Variants in ESRRG observed in about 807,000 individuals in gnomAD.
ESRRG encodes the protein estrogen related receptor gamma.
In ESRRG, 13 loss-of-function variants were observed where a neutral mutation model predicts 44.0. The observed-to-expected ratio is 0.30, with a 90% CI of 0.19 to 0.47. The LOEUF is 0.47. Ranked by LOEUF, ESRRG falls within the 20% of genes least tolerant of loss-of-function variation. ESRRG has a pLI of 1.00. For synonymous variants in ESRRG, 215 were observed against 214.6 expected, an observed-to-expected ratio of 1.00 and a Z score of -0.02; for missense variants, 395 against 580.6, an observed-to-expected ratio of 0.68 and a Z score of 3.29.
chr1:217,107,246 G>A (rs190744043), intron 1 of ESRRG, among the ~76,000 whole-genome samples: 152 of 152,148 alleles, frequency 1.0e-3, no homozygotes, highest in African/African-American at 3.3e-3. Context: ...CTGTTCCTTC[G>A]GACGCTTGGA....
At chr1:216,940,761 C>T (rs1020118416) in intron 1 of ESRRG, among the ~76,000 whole-genome samples, 1 of 152,108 alleles carries the variant, frequency 6.6e-6, no homozygotes, top group African/African-American at 2.4e-5. Flanking sequence ...AGCTTTCCCG[C>T]TTTCTTTCAA....
chr1:216,595,772 G>T (rs1198227339), intron 3 of ESRRG, among the ~76,000 whole-genome samples: 2 of 152,040 alleles, frequency 1.3e-5, no homozygotes, highest in Non-Finnish European at 2.9e-5. Flanking sequence ...AAGACCCTGG[G>T]ATCAACTGCC....
chr1:216,509,299 T>C (rs1354783922), intron 6 of ESRRG, among the ~76,000 whole-genome samples: 1 of 152,242 alleles, frequency 6.6e-6, no homozygotes, highest in Non-Finnish European at 1.5e-5. Flanking sequence ...ACATTCTTAA[T>C]GAAGACATTG....
chr1:216,554,311 G>A (rs867546204), intron 5 of ESRRG, among the ~76,000 whole-genome samples: 53 of 151,842 alleles, frequency 3.5e-4, no homozygotes, highest in African/African-American at 1.2e-3. Context: ...AAAATTAGCC[G>A]GACTTGGTGG....
chr1:216,836,552 C>A (rs1170314732), intron 2 of ESRRG, among the ~76,000 whole-genome samples: 1 of 152,088 alleles, frequency 6.6e-6, no homozygotes, highest in Non-Finnish European at 1.5e-5. Context: ...ATAGGATGAC[C>A]GGGGAAGCGC....
chr1:216,650,935 A>G (rs2068791149), intron 3 of ESRRG, 38 bp downstream of exon 3: 1 of 1,382,080 alleles, frequency 7.2e-7, no homozygotes, highest in African/African-American at 1.4e-5. Context: ...TCCCCACAGC[A>G]AAATCAAAAC....
chr1:216,692,370 A>C (rs1452651655), intron 1 of ESRRG, among the ~76,000 whole-genome samples: 1 of 151,676 alleles, frequency 6.6e-6, no homozygotes, highest in Non-Finnish European at 1.5e-5. Flanking sequence ...AAAAGAGTTT[A>C]ACAAGTAAAA....
chr1:216,656,543 A>T (rs568418165), intron 2 of ESRRG, among the ~76,000 whole-genome samples: 1 of 152,330 alleles, frequency 6.6e-6, no homozygotes, highest in Admixed American at 6.5e-5. Flanking sequence ...GGATAGAATA[A>T]CAGGGTGTAT....
intron 1 of ESRRG, among the ~76,000 whole-genome samples, chr1:217,120,647 T>C (rs1432528069): frequency 1.3e-5 from 2 of 152,176 alleles, no homozygotes; most frequent in Non-Finnish European, 2.9e-5. Flanking sequence ...ACTAGGTTTT[T>C]ATTCAACCCT....
At chr1:216,842,886 A>C (rs7513353) in intron 2 of ESRRG, among the ~76,000 whole-genome samples, 8,310 of 152,262 alleles carry the variant, frequency 0.055, 790 homozygotes, top group African/African-American at 0.19. Flanking sequence ...TAGGGATATT[A>C]TTCTTTTTTG....
chr1:216,542,228 C>A (rs900728584), intron 5 of ESRRG, among the ~76,000 whole-genome samples: 12 of 149,938 alleles, frequency 8.0e-5, no homozygotes, highest in African/African-American at 2.4e-4. Flanking sequence ...ATTTTTTTTT[C>A]CTCTTTTTTG....
At chr1:216,658,002 TG>T (rs1463625741) in intron 2 of ESRRG, among the ~76,000 whole-genome samples, 1 of 152,122 alleles carries the variant, frequency 6.6e-6, no homozygotes, top group African/African-American at 2.4e-5. Flanking sequence ...CAAATAGGAA[TG>T]GATGATGCTT....
intron 2 of ESRRG, among the ~76,000 whole-genome samples, chr1:216,784,012 C>T (rs1272728246): frequency 1.3e-5 from 2 of 152,016 alleles, no homozygotes; most frequent in African/African-American, 4.8e-5. Flanking sequence ...ATGCCTCTTG[C>T]TTTTCTTTCT....
chr1:216,868,983 G>A (rs991417810), intron 2 of ESRRG, among the ~76,000 whole-genome samples: 1 of 152,102 alleles, frequency 6.6e-6, no homozygotes, highest in African/African-American at 2.4e-5. Context: ...TGTCGGCTAT[G>A]TGCTTTGCAA....
chr1:216,924,620 T>C (rs1163323357), intron 2 of ESRRG, among the ~76,000 whole-genome samples: 2 of 152,230 alleles, frequency 1.3e-5, no homozygotes, highest in Admixed American at 6.5e-5. Flanking sequence ...ACATCTGATA[T>C]AAAAGTTATC....
At chr1:216,738,928 T>G (rs1331471998) in intron 2 of ESRRG, among the ~76,000 whole-genome samples, 1 of 152,184 alleles carries the variant, frequency 6.6e-6, no homozygotes, top group Non-Finnish European at 1.5e-5. Flanking sequence ...CATAGCTTTC[T>G]GCAGCTTCAA....
intron 2 of ESRRG, among the ~76,000 whole-genome samples, chr1:216,933,989 C>A (rs867531979): frequency 1.1e-4 from 17 of 152,180 alleles, no homozygotes; most frequent in Admixed American, 3.3e-4. Flanking sequence ...ATTCTGTTAG[C>A]AATTTTGAAG....
At chr1:216,724,640 T>C (rs1444747874), upstream of ESRRG, among the ~76,000 whole-genome samples, 1 of 151,774 alleles carries the variant, frequency 6.6e-6, no homozygotes, top group Non-Finnish European at 1.5e-5. Context: ...AGATAATAAT[T>C]TACAAAACTA....
chr1:216,611,868 T>C (rs868819596), intron 3 of ESRRG, among the ~76,000 whole-genome samples: 2 of 152,012 alleles, frequency 1.3e-5, no homozygotes, highest in African/African-American at 4.8e-5. Flanking sequence ...CAGGCAAAGA[T>C]GAGGGTGAGA....
Sources: gnomAD v4.1 joint callset for allele counts (sites outside exome capture counted in the v4.1 genomes callset) on GRCh38, gnomAD v4.1.1 for gene constraint, MANE v1.5 for transcripts, NCBI Gene and HGNC (gene_info 2026-07-23, HGNC 2026-07-21) for gene names.